The following TNFRSF1B variants were observed in gnomAD, a reference collection of about 807,000 sequenced individuals.
The protein encoded by TNFRSF1B is TNF receptor superfamily member 1B.
Under a neutral mutation model 44.6 loss-of-function variants are expected in TNFRSF1B, and 19 were observed. The ratio of observed to expected loss-of-function variants is 0.43; its 90% CI spans 0.30 to 0.62. The LOEUF (loss-of-function observed/expected upper bound fraction) is 0.62, where lower values mean the gene tolerates loss of function less well. TNFRSF1B is among the 20% of genes least tolerant of loss of function. The probability of loss-of-function intolerance (pLI) is 0.16; values close to 1 mark genes in which losing one functional copy is unlikely to be tolerated. For synonymous variants in TNFRSF1B, 252 were observed against 261.1 expected, an observed-to-expected ratio of 0.97 and a Z score of 0.34; for missense variants, 541 against 619.9, an observed-to-expected ratio of 0.87 and a Z score of 1.35.
chr1:12,206,636 C>T, intron 9 of TNFRSF1B, 104 bp from the exon 10 acceptor site: 1 of 1,302,246 alleles, frequency 7.7e-7, no homozygotes, highest in Non-Finnish European at 1.0e-6. Flanking sequence ...GGCTCCTGGC[C>T]CAGTGCTCTT....
At chr1:12,182,479 A>G (rs1489588272) in intron 1 of TNFRSF1B, among the ~76,000 whole-genome samples, 3 of 152,154 alleles carry the variant, frequency 2.0e-5, no homozygotes, top group Admixed American at 6.5e-5. Flanking sequence ...AGCTAAGATG[A>G]CAACTTCCCG....
intron 1 of TNFRSF1B, among the ~76,000 whole-genome samples, chr1:12,170,010 C>T (rs1040234436): frequency 6.6e-6 from 1 of 152,192 alleles, no homozygotes; most frequent in African/African-American, 2.4e-5. Flanking sequence ...ATCTGGGGTA[C>T]CTGCTGGCCC....
chr1:12,182,278 T>C (rs1476844043), intron 1 of TNFRSF1B, among the ~76,000 whole-genome samples: 2 of 152,184 alleles, frequency 1.3e-5, no homozygotes, highest in Non-Finnish European at 2.9e-5. Context: ...AGGCTTCTAG[T>C]AGATGCTCTA....
chr1:12,190,788 T>C (rs772477262), intron 2 of TNFRSF1B, among the ~76,000 whole-genome samples, 169 bp from the exon 3 acceptor site: 1 of 151,890 alleles, frequency 6.6e-6, no homozygotes, highest in Non-Finnish European at 1.5e-5. Flanking sequence ...AGAAATGACG[T>C]GATAGCTGGT....
intron 1 of TNFRSF1B, among the ~76,000 whole-genome samples, chr1:12,172,375 T>C (rs1286480595): frequency 1.3e-5 from 2 of 152,250 alleles, no homozygotes; most frequent in Admixed American, 6.5e-5. Context: ...TCTGTGTTCT[T>C]ATCTGTAAAA....
At chr1:12,197,580 G>A (rs1639293717) in intron 8 of TNFRSF1B, among the ~76,000 whole-genome samples, 1 of 152,188 alleles carries the variant, frequency 6.6e-6, no homozygotes, top group Admixed American at 6.5e-5. Flanking sequence ...AGGAAACTGA[G>A]ACTCTGGGAG....
At chr1:12,175,099 G>A (rs2101080739) in intron 1 of TNFRSF1B, among the ~76,000 whole-genome samples, 1 of 152,334 alleles carries the variant, frequency 6.6e-6, no homozygotes, top group African/African-American at 2.4e-5. Context: ...AGGCAGGCGG[G>A]CTGTGGACAG....
At chr1:12,167,585 GC>G (rs1355699533) in intron 1 of TNFRSF1B, 2 of 286,896 alleles carry the variant, frequency 7.0e-6, no homozygotes, top group African/African-American at 4.6e-5. Flanking sequence ...CTGTGCCGGG[GC>G]GCTGCCCCAC....
intron 7 of TNFRSF1B, 60 bp downstream of exon 7, chr1:12,194,092 C>T (rs1639213107): frequency 7.2e-7 from 1 of 1,393,880 alleles, no homozygotes; most frequent in African/African-American, 1.4e-5. Flanking sequence ...TGGGGTGCCT[C>T]CTGTGAGTCC....
At position 12,187,811 on chromosome 1, in the gene TNFRSF1B, G is replaced by A. The variant is rs1043209571; in HGVS notation, c.79-985G>A. Among the ~76,000 whole-genome samples, 1 of 152,146 alleles carries A rather than the reference G, an allele frequency of 6.6e-6. No homozygotes were observed. The highest frequency in any genetic ancestry group is 1.5e-5 in the Non-Finnish European group (1 of 68,020). ...AAGCAGGCAGGGCAGGTCAGGGGAG[G>A]GGGCTTAGCAGGGACGTTGTTCACC... On this transcript the variant is annotated intron_variant, in intron 1 of 9. Transcript: ENST00000376259. This position sits in a 1 kb window ranked among gnomAD's most constrained non-coding sequence, Gnocchi z 5.5.
intron 8 of TNFRSF1B, among the ~76,000 whole-genome samples, chr1:12,198,046 C>T (rs17881602): frequency 0.021 from 3,167 of 150,164 alleles, 43 homozygotes; most frequent in Non-Finnish European, 0.035. Context: ...AGCGTGAACC[C>T]GGGAGGTGGA....
chr1:12,201,024 A>G (rs1054240889), intron 8 of TNFRSF1B, among the ~76,000 whole-genome samples: 1 of 152,086 alleles, frequency 6.6e-6, no homozygotes, highest in African/African-American at 2.4e-5. Flanking sequence ...AGGCCAGGGT[A>G]GGAGGATGGC....
intron 1 of TNFRSF1B, among the ~76,000 whole-genome samples, chr1:12,176,973 C>T (rs1272187824): frequency 7.1e-6 from 1 of 141,126 alleles, no homozygotes; most frequent in African/African-American, 2.7e-5. Context: ...TCTGCCTGTC[C>T]TGAGCCCTGA....
rs1639167825 is a variant in TNFRSF1B, at chr1:12,192,482, C to T, written c.509C>T (p.Ser170Phe). The T allele has an allele frequency of 1.2e-6, 2 of 1,614,068 alleles. No individual in the cohort carries two copies. The highest frequency in any genetic ancestry group is 1.7e-6 in the Non-Finnish European group (2 of 1,180,038). Residue 170 changes from serine (S) to phenylalanine (F), a missense_variant, in exon 5 of 10, where the codon TCC becomes TTC. By Grantham distance (155) the Ser-to-Phe change is radical. Transcript: ENST00000376259. ...VCKPCAPGTF[S>F]NTTSSTDICR... ...AAGCCCTGTGCCCCGGGGACGTTCT[C>T]CAACACGACTTCATCCACGGATATT...
chr1:12,206,101 T>A (rs1211303475), intron 9 of TNFRSF1B, among the ~76,000 whole-genome samples: 1 of 151,980 alleles, frequency 6.6e-6, no homozygotes, highest in Non-Finnish European at 1.5e-5. Flanking sequence ...AAGAGTTAAG[T>A]TGGAGGCTGA....
intron 3 of TNFRSF1B, 28 bp from the exon 4 acceptor site, chr1:12,191,746 A>T: frequency 6.2e-7 from 1 of 1,611,904 alleles, no homozygotes; most frequent in Non-Finnish European, 8.5e-7. Flanking sequence ...GGCAGGCGTG[A>T]CCGTTTGCCG....
intron 1 of TNFRSF1B, among the ~76,000 whole-genome samples, chr1:12,172,406 C>T (rs1194776552): frequency 3.3e-5 from 5 of 152,232 alleles, no homozygotes; most frequent in African/African-American, 7.2e-5. Flanking sequence ...CCTAGCCTCA[C>T]GGGCTGGCTG....
At chr1:12,173,670 G>A (rs1242762647) in intron 1 of TNFRSF1B, among the ~76,000 whole-genome samples, 1 of 152,188 alleles carries the variant, frequency 6.6e-6, no homozygotes, top group African/African-American at 2.4e-5. Context: ...CAGGAAGGGC[G>A]TTTTCCTGGA....
chr1:12,192,556 G>C, intron 5 of TNFRSF1B, 32 bp downstream of exon 5: 1 of 1,599,610 alleles, frequency 6.3e-7, no homozygotes, highest in Non-Finnish European at 8.6e-7. Flanking sequence ...TTCTGGAGGA[G>C]CAGGGAGGGG....
Sources: gnomAD v4.1 joint callset for allele counts (sites outside exome capture counted in the v4.1 genomes callset) on GRCh38, gnomAD v4.1.1 for gene constraint, Gnocchi (gnomAD v3.1) non-coding constraint, MANE v1.5 for transcripts, NCBI Gene and HGNC (gene_info 2026-07-23, HGNC 2026-07-21) for gene names.